The following INTS4 variants were observed in gnomAD, a reference collection of about 807,000 sequenced individuals.
The protein encoded by INTS4 is integrator complex subunit 4, also known as MSTP093.
INTS4 carries 70 observed loss-of-function variants against 119.5 expected under a neutral mutation model. The observed-to-expected ratio is 0.59, with a 90% confidence interval of 0.48 to 0.71. The LOEUF (loss-of-function observed/expected upper bound fraction) is 0.71, where lower values mean the gene tolerates loss of function less well. Ranked by LOEUF, INTS4 falls within the 30% of genes least tolerant of loss-of-function variation. The probability of loss-of-function intolerance (pLI) is 0.00; values close to 1 mark genes in which losing one functional copy is unlikely to be tolerated. For synonymous variants in INTS4, 316 were observed against 419.6 expected (o/e 0.75, Z 3.02); for missense variants, 867 against 1,173.2 (o/e 0.74, Z 3.81).
rs183560860 is a variant in INTS4 at position 77,946,693 on chromosome 11, G to A, written c.919-5442C>T. On this transcript the variant is annotated intron_variant, in intron 8 of 22. Coordinates refer to ENST00000534064, the MANE Select transcript of INTS4 (RefSeq NM_033547.4). ...GGAGGATCACTTAAACCCAGGAGGA[G>A]AAGGTTGCAGTGAGCTGAGATCATG... Among the ~76,000 whole-genome samples the A allele has an allele frequency of 7.9e-3, 1,201 of 151,296 alleles. 10 individuals carry two copies. The highest frequency in any genetic ancestry group is 0.041 in the Middle Eastern group (12 of 294).
intron 14 of INTS4, among the ~76,000 whole-genome samples, chr11:77,920,056 G>A (rs960749122): frequency 2.0e-5 from 3 of 151,642 alleles, no homozygotes; most frequent in Non-Finnish European, 2.9e-5. Context: ...TGATCCACCC[G>A]CCTTGGCCTC....
chr11:77,954,649 T>A (rs933403060), intron 8 of INTS4, among the ~76,000 whole-genome samples: 1 of 152,234 alleles, frequency 6.6e-6, no homozygotes, highest in African/African-American at 2.4e-5. Context: ...CATCAGGAAT[T>A]AGACTCTCAC....
intron 15 of INTS4, among the ~76,000 whole-genome samples, chr11:77,910,596 A>C (rs1255554745): frequency 6.6e-6 from 1 of 152,126 alleles, no homozygotes; most frequent in East Asian, 1.9e-4. Context: ...GTATAATAAA[A>C]AGAGAAAATG....
At chr11:77,908,179 T>C (rs1953007202) in intron 15 of INTS4, among the ~76,000 whole-genome samples, 1 of 152,176 alleles carries the variant, frequency 6.6e-6, no homozygotes, top group African/African-American at 2.4e-5. Context: ...AGTAGCTACT[T>C]ATTCAATGGT....
In INTS4 at chr11:77,950,647, G is replaced by A. The variant is rs181312739; in HGVS notation, c.918+5295C>T. Among the ~76,000 whole-genome samples, 333 of 152,246 alleles carry A rather than the reference G, an allele frequency of 2.2e-3. 1 individual carries two copies. The highest frequency in any genetic ancestry group is 7.6e-3 in the African/African-American group (315 of 41,522). On this transcript the variant is annotated intron_variant, in intron 8 of 22. Transcript: ENST00000534064. ...AGGTGATAACTATACTAACTATCCT[G>A]ATTGGATTAATATTCAACATAGATG... is the stretch of plus-strand genomic sequence containing the variant.
intron 8 of INTS4, among the ~76,000 whole-genome samples, chr11:77,952,657 T>G (rs1954224048): frequency 6.6e-6 from 1 of 152,174 alleles, no homozygotes; most frequent in African/African-American, 2.4e-5. Context: ...TTGAAGCTGT[T>G]CAGATTTAAC....
chr11:77,885,007 G>T (rs993114436), intron 21 of INTS4: 7 of 184,186 alleles, frequency 3.8e-5, no homozygotes, highest in African/African-American at 2.3e-5. Context: ...TGATCCTCCT[G>T]CCTCAGACTC....
chr11:77,985,669 C>T (rs1856428084), intron 2 of INTS4, among the ~76,000 whole-genome samples: 1 of 152,154 alleles, frequency 6.6e-6, no homozygotes, highest in Non-Finnish European at 1.5e-5. Flanking sequence ...ATCTCTATTA[C>T]CAACATGAAG....
intron 15 of INTS4, chr11:77,917,900 C>T (rs1348377704): frequency 8.6e-6 from 5 of 583,512 alleles, no homozygotes; most frequent in African/African-American, 1.9e-5. Context: ...AGAATAAAGA[C>T]TGCATGTCCT....
intron 19 of INTS4, among the ~76,000 whole-genome samples, chr11:77,892,614 G>C (rs116382366): frequency 6.6e-6 from 1 of 152,008 alleles, no homozygotes; most frequent in Non-Finnish European, 1.5e-5. Context: ...AAGGAGTCTC[G>C]CACTATTGCC....
intron 21 of INTS4, chr11:77,884,889 G>T: frequency 3.9e-6 from 1 of 258,224 alleles, no homozygotes; most frequent in South Asian, 3.9e-5. Context: ...TGAGGAGTGG[G>T]GATTACAGGC....
intron 15 of INTS4, among the ~76,000 whole-genome samples, chr11:77,910,144 A>G (rs1358761584): frequency 1.3e-5 from 2 of 152,198 alleles, no homozygotes; most frequent in African/African-American, 4.8e-5. Context: ...ACATGCACGC[A>G]TATGTTTATT....
At chr11:77,882,332 T>TG (rs1951826965) in intron 22 of INTS4, among the ~76,000 whole-genome samples, 1 of 152,094 alleles carries the variant, frequency 6.6e-6, no homozygotes, top group South Asian at 2.1e-4. Flanking sequence ...ACCTTGAGCT[T>TG]GGGGGCAGAT....
At chr11:77,959,165 T>A (rs1954402687) in intron 6 of INTS4, among the ~76,000 whole-genome samples, 1 of 152,116 alleles carries the variant, frequency 6.6e-6, no homozygotes, top group African/African-American at 2.4e-5. Flanking sequence ...GGCTTTTTCC[T>A]CCCCCTGTAA....
intron 4 of INTS4, among the ~76,000 whole-genome samples, chr11:77,975,539 A>T (rs1384998938): frequency 8.5e-5 from 13 of 152,326 alleles, no homozygotes; most frequent in Non-Finnish European, 8.8e-5. Context: ...TCATAAACCA[A>T]AATGGCATTT....
intron 10 of INTS4, among the ~76,000 whole-genome samples, chr11:77,937,817 GTATTTATT>G (rs4016025): frequency 0.011 from 1,616 of 146,614 alleles, 17 homozygotes; most frequent in African/African-American, 0.021. Context: ...ATATCTTTCT[GTATTTATT>G]TATTTATTTA....
Position 77,883,915 on chromosome 11 carries a change from G to C in INTS4, c.2630C>G (p.Pro877Arg), listed in dbSNP as rs1423699871. The C allele has an allele frequency of 1.2e-6, 2 of 1,613,162 alleles. No homozygotes were observed. Among genetic ancestry groups the C allele is most frequent in the East Asian group, 2.2e-5 (1 of 44,866 alleles). The change falls in exon 22 of 23, where the codon CCC becomes CGC. Residue 877 changes from proline to arginine, a missense_variant. By Grantham distance (103) the Pro-to-Arg change is moderately radical. This residue lies in a region of INTS4 where 122 missense variants were observed against 133.2 expected (regional missense o/e 0.92). Coordinates refer to ENST00000534064, the MANE Select transcript of INTS4 (RefSeq NM_033547.4). ...AGGATTCCGGAAGTCTGCAGGCTTG[G>C]GGTGAATCATCTGAGCCTGGCCATC... ...YPDGQAQMIH[P>R]KPADFRNPGP...
chr11:77,956,150 T>C (rs1366175458), intron 7 of INTS4, 88 bp from the exon 8 acceptor site: 2 of 1,492,106 alleles, frequency 1.3e-6, no homozygotes, highest in African/African-American at 1.4e-5. Context: ...GGCTCACATC[T>C]ATAATCCCAA....
intron 8 of INTS4, among the ~76,000 whole-genome samples, chr11:77,947,126 G>A (rs632040): frequency 0.58 from 86,717 of 149,544 alleles, 25,406 homozygotes; most frequent in African/African-American, 0.61. Context: ...AAAAAAACAA[G>A]TAAGAATAAA....
Sources: gnomAD v4.1 joint callset for allele counts (sites outside exome capture counted in the v4.1 genomes callset) on GRCh38, gnomAD v4.1.1 for gene constraint, gnomAD v4.1.1 regional missense constraint, MANE v1.5 for transcripts, NCBI Gene and HGNC (gene_info 2026-07-23, HGNC 2026-07-21) for gene names.